Variants in AUTS2 observed in about 807,000 individuals in gnomAD.
The protein encoded by AUTS2 is activator of transcription and developmental regulator AUTS2, also known as autism susceptibility gene 2 protein.
In AUTS2, 17 loss-of-function variants were observed where a neutral mutation model predicts 112.4. That is an observed-to-expected ratio of 0.15 (90% confidence interval 0.10 to 0.23). AUTS2 has a LOEUF of 0.23. AUTS2 is among the 10% of genes least tolerant of loss of function. The probability of loss-of-function intolerance (pLI) is 1.00; values close to 1 mark genes in which losing one functional copy is unlikely to be tolerated. For synonymous variants in AUTS2, 751 were observed against 702.7 expected, an observed-to-expected ratio of 1.07 and a Z score of -1.09; for missense variants, 1,510 against 1,701.6, an observed-to-expected ratio of 0.89 and a Z score of 1.98.
At chr7:70,578,015 A>G (rs1802253282) in intron 5 of AUTS2, among the ~76,000 whole-genome samples, 1 of 151,994 alleles carries the variant, frequency 6.6e-6, no homozygotes, top group Non-Finnish European at 1.5e-5. Context: ...TATTTTTAGT[A>G]GAGACGGGGT....
chr7:69,876,343 AAAAAAAATATAT>A lies in AUTS2; in HGVS notation c.310-22941_310-22930del, dbSNP rs1281776768. On this transcript the variant is annotated intron_variant, in intron 1 of 18. Coordinates refer to ENST00000342771, the MANE Select transcript of AUTS2 (RefSeq NM_015570.4). ...TCTGTCTCAAAAAAAAAAAAAAAAA[AAAAAAAATATAT>A]ATATATATATATATATATATATATA... Among the ~76,000 whole-genome samples the A allele has an allele frequency of 3.0e-4, 24 of 80,524 alleles. 1 individual carries two copies. Among genetic ancestry groups the A allele is most frequent in the African/African-American group, 9.7e-4 (19 of 19,544 alleles). The allele number at this position is 80,524 out of a possible 152,430, so 52.8% of individuals were successfully genotyped here. A position where few individuals can be genotyped will look rare whatever the true frequency, so the allele number is the denominator to read the frequency against.
At chr7:69,933,804 C>T (rs1371613664) in intron 2 of AUTS2, among the ~76,000 whole-genome samples, 1 of 152,040 alleles carries the variant, frequency 6.6e-6, no homozygotes, top group East Asian at 1.9e-4. Context: ...TGCACTTGGC[C>T]CTTTCCCATT....
In AUTS2 at chr7:69,599,378, TCCGA is replaced by T; in HGVS notation, c.-273_-270del. The T allele has an allele frequency of 2.9e-6, 1 of 346,766 alleles. No individual in the cohort carries two copies. Among genetic ancestry groups the T allele is most frequent in the Non-Finnish European group, 5.2e-6 (1 of 193,298 alleles). 21.5% of individuals were successfully genotyped at this position (346,766 alleles called of 1,614,324 possible). On this transcript the variant is annotated 5_prime_UTR_variant, in exon 1 of 19. Coordinates refer to ENST00000342771, the MANE Select transcript of AUTS2 (RefSeq NM_015570.4). This position sits in a 1 kb window ranked among gnomAD's most constrained non-coding sequence, Gnocchi z 7.0. ...TTGCTCGGCGCTGCTCCCAGGCATCTCCGACCCTCGGTGCTGTGGGGAGCCCCAC... is the reference window on the plus strand; with the variant it reads ...TTGCTCGGCGCTGCTCCCAGGCATCTCCCTCGGTGCTGTGGGGAGCCCCAC...
intron 1 of AUTS2, among the ~76,000 whole-genome samples, chr7:69,679,370 C>T (rs532499246): frequency 6.6e-6 from 1 of 152,342 alleles, no homozygotes; most frequent in Non-Finnish European, 1.5e-5. Flanking sequence ...AGCTACATGC[C>T]TCAGTTATCT....
intron 1 of AUTS2, among the ~76,000 whole-genome samples, chr7:69,794,442 T>C (rs1378024390): frequency 6.6e-6 from 1 of 152,208 alleles, no homozygotes; most frequent in African/African-American, 2.4e-5. Flanking sequence ...TGTTTGCAAG[T>C]AAAAGTGTAT....
At chr7:69,949,778 C>A (rs1796956256) in intron 2 of AUTS2, among the ~76,000 whole-genome samples, 1 of 152,176 alleles carries the variant, frequency 6.6e-6, no homozygotes, top group Non-Finnish European at 1.5e-5. Context: ...TCTTAGGATT[C>A]CCCTGTCTGT....
chr7:70,643,178 G>A (rs1805943896), intron 5 of AUTS2, among the ~76,000 whole-genome samples: 2 of 152,158 alleles, frequency 1.3e-5, no homozygotes, highest in Non-Finnish European at 2.9e-5. Flanking sequence ...CAATGATACT[G>A]GACTATGTCT....
chr7:70,391,557 GT>G lies in AUTS2; in HGVS notation c.661-44194del, dbSNP rs1325328740. On this transcript the variant is annotated intron_variant, in intron 4 of 18. Coordinates refer to ENST00000342771, the MANE Select transcript of AUTS2 (RefSeq NM_015570.4). ...TAATTTGCAGAATCACAATCACGGA[GT>G]ATCTGTTGAATAATCTGTAAAACTG... 2.6e-5 allele frequency among the ~76,000 whole-genome samples: 4 copies of G among 152,190 alleles called. No homozygotes were observed. In the East Asian group the frequency reaches 5.8e-4, roughly 22 times the overall value.
intron 2 of AUTS2, among the ~76,000 whole-genome samples, chr7:69,957,298 G>T (rs1300434464): frequency 6.6e-6 from 1 of 151,222 alleles, no homozygotes; most frequent in Non-Finnish European, 1.5e-5. Context: ...CTTATCAACC[G>T]CATCGCTGGG....
intron 1 of AUTS2, among the ~76,000 whole-genome samples, chr7:69,689,136 C>A (rs1349142949): frequency 6.6e-6 from 1 of 151,978 alleles, no homozygotes; most frequent in Non-Finnish European, 1.5e-5. Context: ...ATTCAGCTAC[C>A]TTGAGGTCTA....
At chr7:70,427,432 C>T (rs2130774121) in intron 4 of AUTS2, among the ~76,000 whole-genome samples, 1 of 152,162 alleles carries the variant, frequency 6.6e-6, no homozygotes, top group East Asian at 1.9e-4. Context: ...ATGTGACTTC[C>T]TTTCTTAGAG....
intron 5 of AUTS2, among the ~76,000 whole-genome samples, chr7:70,496,105 C>CCA (rs1345988587): frequency 6.9e-6 from 1 of 144,462 alleles, no homozygotes; most frequent in African/African-American, 2.6e-5. Context: ...GACACACACC[C>CCA]CACACATGCA....
At chr7:69,784,760 G>A (rs1789291231) in intron 1 of AUTS2, among the ~76,000 whole-genome samples, 1 of 152,164 alleles carries the variant, frequency 6.6e-6, no homozygotes, top group Admixed American at 6.5e-5. Flanking sequence ...TAACATTGGA[G>A]GAAGAAGAAA....
chr7:70,236,507 C>T (rs1336656552), intron 4 of AUTS2, among the ~76,000 whole-genome samples: 1 of 152,062 alleles, frequency 6.6e-6, no homozygotes, highest in Non-Finnish European at 1.5e-5. Context: ...AGTACTTTTT[C>T]TTCCTCTTAT....
At chr7:69,965,150 G>A (rs1291601628) in intron 2 of AUTS2, among the ~76,000 whole-genome samples, 3 of 152,046 alleles carry the variant, frequency 2.0e-5, no homozygotes, top group Non-Finnish European at 2.9e-5. Context: ...TGCATTTACC[G>A]AGTTGCTTTT....
chr7:70,731,035 A>G (rs1384682777), intron 6 of AUTS2, among the ~76,000 whole-genome samples: 1 of 152,172 alleles, frequency 6.6e-6, no homozygotes, highest in African/African-American at 2.4e-5. Flanking sequence ...GGCCATTTGT[A>G]TATCTTCTTT....
intron 1 of AUTS2, among the ~76,000 whole-genome samples, chr7:69,662,121 C>T (rs1471041232): frequency 6.6e-6 from 1 of 151,932 alleles, no homozygotes. Flanking sequence ...CCCTCCCTTT[C>T]TCCCACTCTC....
chr7:70,471,258 C>T (rs1425119549), intron 5 of AUTS2, among the ~76,000 whole-genome samples: 1 of 151,674 alleles, frequency 6.6e-6, no homozygotes, highest in Non-Finnish European at 1.5e-5. Context: ...GCAGGTTTCT[C>T]ATGACTTTCT....
chr7:69,790,649 G>A (rs529149433), intron 1 of AUTS2, among the ~76,000 whole-genome samples: 23 of 152,276 alleles, frequency 1.5e-4, no homozygotes, highest in African/African-American at 5.5e-4. Context: ...GAGATTGTTC[G>A]TAAAATACTT....
Sources: allele counts gnomAD v4.1 joint callset (sites outside exome capture counted in the v4.1 genomes callset), GRCh38; gene constraint gnomAD v4.1.1; non-coding constraint Gnocchi (gnomAD v3.1); transcripts MANE v1.5; gene names NCBI Gene and HGNC (gene_info 2026-07-23, HGNC 2026-07-21).